Variants in NUP35 observed in about 807,000 individuals in gnomAD.
The protein encoded by NUP35 is nucleoporin 35, also known as nucleoporin NUP35.
NUP35 carries 25 observed loss-of-function variants against 41.5 expected under a neutral mutation model. The observed-to-expected ratio is 0.60, with a 90% CI of 0.44 to 0.84. NUP35 has a LOEUF of 0.84. Ranked by LOEUF, NUP35 falls within the 40% of genes least tolerant of loss-of-function variation. The pLI is 0.00. For synonymous variants in NUP35, 149 were observed against 130.7 expected, an observed-to-expected ratio of 1.14 and a Z score of -0.96; for missense variants, 396 against 396.6, an observed-to-expected ratio of 1.00 and a Z score of 0.01.
rs756432733 is a variant in NUP35, at chr2:183,128,271, T to G, written c.41-16T>G. 4.5e-6 allele frequency: 7 copies of G among 1,543,382 alleles called. No homozygotes were observed. The highest frequency in any genetic ancestry group is 8.8e-7 in the Non-Finnish European group (1 of 1,139,288). ...TGTAACAGAAAAGTCCTTAATTTAT[T>G]TTTTGATTCATGTAGGATCTGAACC... On this transcript the variant is annotated splice_polypyrimidine_tract_variant and intron_variant, in intron 1 of 8. Transcript: ENST00000295119.
At chr2:183,119,895 G>A (rs1700042637), upstream of NUP35, 1 of 152,314 alleles carries the variant, frequency 6.6e-6, no homozygotes. Context: ...CAGGGTGAAA[G>A]TAGGGTAACA....
chr2:183,117,939 C>T (rs1700010787), intron 1 of NUP35, among the ~76,000 whole-genome samples: 1 of 152,116 alleles, frequency 6.6e-6, no homozygotes. Flanking sequence ...TCAGGTTGAG[C>T]TCTCTGTAGC....
chr2:183,157,576 G>A (rs1685714022), intron 6 of NUP35, 63 bp downstream of exon 6: 5 of 1,096,870 alleles, frequency 4.6e-6, no homozygotes, highest in Non-Finnish European at 6.8e-6. Context: ...TGAATTGAGA[G>A]AAACTGCTTC....
chr2:183,157,770 T>G (rs936990782), intron 6 of NUP35, among the ~76,000 whole-genome samples: 1 of 152,086 alleles, frequency 6.6e-6, no homozygotes, highest in African/African-American at 2.4e-5. Flanking sequence ...CAGTTTACAG[T>G]CTTAAAAAAG....
chr2:183,136,589 A>G (rs1011330081), intron 4 of NUP35, among the ~76,000 whole-genome samples: 1 of 152,196 alleles, frequency 6.6e-6, no homozygotes, highest in African/African-American at 2.4e-5. Context: ...GTTATGCTTC[A>G]TATATCTCTA....
chr2:183,144,929 GGTT>G (rs1230498246), intron 4 of NUP35, among the ~76,000 whole-genome samples: 1 of 152,142 alleles, frequency 6.6e-6, no homozygotes, highest in African/African-American at 2.4e-5. Context: ...TATTTTTAAA[GGTT>G]GTAACGGTTG....
chr2:183,132,597 TGTTGCAA>T (rs1684737975), intron 3 of NUP35, among the ~76,000 whole-genome samples: 1 of 152,116 alleles, frequency 6.6e-6, no homozygotes, highest in South Asian at 2.1e-4. Context: ...AAAAATTGTT[TGTTGCAA>T]GAACCACTGG....
At chr2:183,124,526 G>A (rs1700120541) in intron 1 of NUP35, 29 bp downstream of exon 1, 1 of 1,613,404 alleles carries the variant, frequency 6.2e-7, no homozygotes, top group Admixed American at 1.7e-5. Context: ...TTCCTTGCTG[G>A]CACTGCCATC....
At chr2:183,120,227 C>T (rs1700047259), upstream of NUP35, 1 of 152,312 alleles carries the variant, frequency 6.6e-6, no homozygotes, top group Admixed American at 6.5e-5. Flanking sequence ...TGACAGATCA[C>T]TTGAGGTCAG....
chr2:183,132,020 T>G (rs1684711599), intron 3 of NUP35, among the ~76,000 whole-genome samples: 1 of 151,868 alleles, frequency 6.6e-6, no homozygotes, highest in African/African-American at 2.4e-5. Flanking sequence ...TTATGTATTT[T>G]TATTTATTAT....
intron 1 of NUP35, among the ~76,000 whole-genome samples, chr2:183,125,993 C>T (rs1262587892): frequency 6.6e-6 from 1 of 152,124 alleles, no homozygotes; most frequent in Non-Finnish European, 1.5e-5. Context: ...TGCCCTCCTT[C>T]CTGTCTGGTG....
rs755902137 is a variant in NUP35, at chr2:183,135,884, TTAAAA to T, written c.397+2262_397+2266del. Among the ~76,000 whole-genome samples, 334 of 147,390 alleles carry T rather than the reference TTAAAA, an allele frequency of 2.3e-3. 2 individuals are homozygous for T. The highest frequency in any genetic ancestry group is 8.0e-3 in the African/African-American group (316 of 39,700). On this transcript the variant is annotated intron_variant, in intron 4 of 8. Coordinates refer to ENST00000295119, the MANE Select transcript of NUP35 (RefSeq NM_138285.5). ...TCTCAAGAAAAAAGTAAATAAAAATTTAAAAAAAAAAGCACGCAAAAAAACTAACC... is the reference window on the plus strand; with the variant it reads ...TCTCAAGAAAAAAGTAAATAAAAATTAAAAAAGCACGCAAAAAAACTAACC...
At chr2:183,132,958 A>G (rs939695277) in intron 3 of NUP35, among the ~76,000 whole-genome samples, 2 of 152,178 alleles carry the variant, frequency 1.3e-5, no homozygotes, top group Non-Finnish European at 2.9e-5. Flanking sequence ...AAAAATCTTT[A>G]TTGAGTTCTA....
intron 2 of NUP35, among the ~76,000 whole-genome samples, chr2:183,129,199 A>C (rs1684606644): frequency 6.8e-6 from 1 of 146,948 alleles, no homozygotes; most frequent in Non-Finnish European, 1.5e-5. Context: ...TCTCACATAT[A>C]GCGTGTTTAA....
In NUP35 at chr2:183,161,253, A is replaced by G. The variant is rs1183799409; in HGVS notation, c.*122A>G. 34 of 606,402 alleles carry G rather than the reference A, an allele frequency of 5.6e-5. No homozygotes were observed. The East Asian group carries it at 8.8e-4, about 16-fold the overall frequency. The allele number at this position is 606,402 out of a possible 1,614,324, so 37.6% of individuals were successfully genotyped here. ...TAGCTATCTCATACTTCTTTTAGAA[A>G]GAAGCCTTTTTCATTAAGGATACAA... is the stretch of plus-strand genomic sequence containing the variant. On this transcript the variant is annotated 3_prime_UTR_variant, in exon 9 of 9. Coordinates refer to ENST00000295119, the MANE Select transcript of NUP35 (RefSeq NM_138285.5).
At chr2:183,158,735 C>T (rs1041360804) in intron 7 of NUP35, among the ~76,000 whole-genome samples, 2 of 152,020 alleles carry the variant, frequency 1.3e-5, no homozygotes, top group African/African-American at 4.8e-5. Flanking sequence ...TTGTGCAAAG[C>T]GATACCAGAT....
intron 4 of NUP35, among the ~76,000 whole-genome samples, chr2:183,149,862 A>G (rs1021547311): frequency 7.2e-5 from 11 of 152,194 alleles, no homozygotes; most frequent in South Asian, 2.1e-4. Context: ...AAATAAAATT[A>G]CACTCGTAAA....
intron 2 of NUP35, among the ~76,000 whole-genome samples, chr2:183,130,068 T>C (rs953546961): frequency 6.6e-6 from 1 of 152,238 alleles, no homozygotes; most frequent in Non-Finnish European, 1.5e-5. Flanking sequence ...AAGTTTTGTA[T>C]TTAAATGTTA....
chr2:183,120,220 C>G (rs1397565618), upstream of NUP35: 1 of 152,252 alleles, frequency 6.6e-6, no homozygotes, highest in Admixed American at 6.6e-5. Flanking sequence ...CCAAATCTGA[C>G]AGATCACTTG....
Sources: allele counts gnomAD v4.1 joint callset (sites outside exome capture counted in the v4.1 genomes callset), GRCh38; gene constraint gnomAD v4.1.1; transcripts MANE v1.5; gene names NCBI Gene and HGNC (gene_info 2026-07-23, HGNC 2026-07-21).